MCM3: variants seen among roughly 807,000 people sequenced by gnomAD.
MCM3 encodes minichromosome maintenance complex component 3.
In MCM3, 59 loss-of-function variants were observed where a neutral mutation model predicts 91.3. The ratio of observed to expected loss-of-function variants is 0.65; its 90% confidence interval spans 0.52 to 0.80. The LOEUF is 0.80. MCM3 is among the 30% of genes least tolerant of loss of function. The pLI is 0.00. For synonymous variants in MCM3, 383 were observed against 379.6 expected (o/e 1.01, Z -0.10); for missense variants, 919 against 1,035.4 (o/e 0.89, Z 1.54).
chr6:52,278,060 T>A (rs1218139708), intron 6 of MCM3, among the ~76,000 whole-genome samples: 1 of 108,926 alleles, frequency 9.2e-6, no homozygotes, highest in African/African-American at 3.9e-5. Flanking sequence ...AGAGCAAGAT[T>A]CCGTCTCACC....
At chr6:52,267,528 CTT>C (rs773522164) in intron 14 of MCM3, among the ~76,000 whole-genome samples, 21 of 136,260 alleles carry the variant, frequency 1.5e-4, no homozygotes, top group African/African-American at 1.6e-4. Context: ...GAACTTACTA[CTT>C]TTTTTTTTTT....
chr6:52,279,286 C>T lies in MCM3; in HGVS notation c.770+75G>A. The T allele has an allele frequency of 2.3e-6, 3 of 1,322,486 alleles. No individual in the cohort carries two copies. In the East Asian group the frequency reaches 6.9e-5, roughly 30 times the overall value. 81.9% of individuals were successfully genotyped at this position (1,322,486 alleles called of 1,614,324 possible). ...TCAGATATAACTCTCTGGAATATGG[C>T]AAACTGGAGAAAGGATATTACCAGA... On this transcript the variant is annotated intron_variant, in intron 5 of 16. Transcript: ENST00000596288.
intron 13 of MCM3, 60 bp downstream of exon 13, chr6:52,269,026 G>A (rs1764872035): frequency 2.0e-6 from 3 of 1,535,568 alleles, no homozygotes; most frequent in Non-Finnish European, 8.8e-7. Context: ...AGGCTGGGAA[G>A]CCCATGCATC....
Position 52,273,868 on chromosome 6 carries a change from G to A in MCM3, c.1423C>T (p.Leu475=). The A allele has an allele frequency of 6.2e-7, 1 of 1,614,152 alleles. No homozygotes were observed. ...AAGAGCAAGTCAAATCGTGACAGCA[G>A]TGAGTCCTGTAGCCCAATGTTCTCC... ...PMENIGLQDS[L]LSRFDLLFIM... Residue 475 remains leucine, a synonymous_variant, in exon 10 of 17, where the codon CTG becomes TTG. Transcript: ENST00000596288.
rs1158971556 is a variant in MCM3, at chr6:52,264,495, A to G, written c.*93T>C. 1.5e-6 allele frequency: 2 copies of G among 1,346,264 alleles called. No individual in the cohort carries two copies. Among genetic ancestry groups the G allele is most frequent in the Non-Finnish European group, 2.1e-6 (2 of 947,570 alleles). 83.4% of individuals were successfully genotyped at this position (1,346,264 alleles called of 1,614,324 possible). ...GCCTTCAGTTGAATTCAACACTGTT[A>G]AGGGAGTAGAGGCAAAGACTTGGGT... On this transcript the variant is annotated 3_prime_UTR_variant, in exon 17 of 17. Transcript: ENST00000596288.
chr6:52,268,766 ACTTT>A (rs1764849029), intron 13 of MCM3, among the ~76,000 whole-genome samples: 1 of 151,602 alleles, frequency 6.6e-6, no homozygotes, highest in African/African-American at 2.4e-5. Context: ...GAAAACACCT[ACTTT>A]TTTTTTTAAG....
intron 12 of MCM3, among the ~76,000 whole-genome samples, chr6:52,272,099 C>A (rs906585249): frequency 1.3e-5 from 2 of 152,170 alleles, no homozygotes; most frequent in Admixed American, 1.3e-4. Flanking sequence ...GTCATTTTAA[C>A]TAATAAGAGA....
At position 52,277,138 on chromosome 6, in the gene MCM3, G is replaced by A. The variant is rs1340198087; in HGVS notation, c.1094C>T (p.Ala365Val). 3 of 1,614,072 alleles carry A rather than the reference G, an allele frequency of 1.9e-6. No homozygotes were observed. In the South Asian group the frequency reaches 3.3e-5, roughly 18 times the overall value. The change falls in exon 8 of 17, where the codon GCT (alanine) becomes GTT (valine). Residue 365 changes from alanine to valine, a missense_variant. Coordinates refer to ENST00000596288, the MANE Select transcript of MCM3 (RefSeq NM_002388.6). Reference protein sequence around the residue: ...LRYVLCTAPRAIPTTGRGSSG... With the variant: ...LRYVLCTAPRVIPTTGRGSSG... The stretch of plus-strand genomic sequence containing the variant: ...GGAGCCCCGGCCAGTGGTGGGGATA[G>A]CTCGGGGTGCAGTGCAAAGCACATA...
At chr6:52,276,021 G>T in intron 9 of MCM3, 1 of 469,730 alleles carries the variant, frequency 2.1e-6, no homozygotes. Flanking sequence ...GGTTAAATAT[G>T]TTAAATGGAC....
Position 52,277,530 on chromosome 6 carries a change from C to T in MCM3, c.1033+5G>A, listed in dbSNP as rs752320216. The T allele has an allele frequency of 3.0e-5, 49 of 1,610,970 alleles. No homozygotes were observed. Among genetic ancestry groups the T allele is most frequent in the South Asian group, 1.9e-4 (17 of 90,512 alleles). On this transcript the variant is annotated splice_donor_5th_base_variant and intron_variant, in intron 7 of 16. Transcript: ENST00000596288. ...ACAGTCTAAAGCAAATCCCCAACAT[C>T]GTACCTATTAGAAGAATATTGATGT...
chr6:52,267,741 G>C (rs1438963993), intron 14 of MCM3, 124 bp downstream of exon 14: 1 of 675,164 alleles, frequency 1.5e-6, no homozygotes, highest in East Asian at 2.8e-5. Flanking sequence ...TCCCAGGCTG[G>C]TCTCAAACTC....
chr6:52,274,139 C>T (rs768929430), intron 9 of MCM3, among the ~76,000 whole-genome samples: 2 of 152,188 alleles, frequency 1.3e-5, no homozygotes, highest in Non-Finnish European at 2.9e-5. Context: ...GCCCCACTTT[C>T]TACTACAGGA....
At position 52,282,072 on chromosome 6, in the gene MCM3, A is replaced by C; in HGVS notation, c.504T>G (p.Phe168Leu). 1.2e-6 allele frequency: 2 copies of C among 1,614,144 alleles called. No homozygotes were observed. Among genetic ancestry groups the C allele is most frequent in the Non-Finnish European group, 1.7e-6 (2 of 1,180,002 alleles). ...RYSDLTTLVA[F>L]PSSSVYPTKD... is the part of the protein sequence containing the mutation. ...TGGTAGGATAGACAGAGCTGGAGGG[A>C]AAGGCCACCAGGGTGGTGAGATCAG... is the stretch of plus-strand genomic sequence containing the variant. The change falls in exon 4 of 17, where the codon TTT becomes TTG. Residue 168 changes from phenylalanine to leucine, a missense_variant. Phe to Leu is a conservative substitution (Grantham distance 22). Around this residue, in one of 3 missense-constraint regions of MCM3, gnomAD observed 401 missense variants for 402.7 expected, o/e 1.00. Transcript: ENST00000596288.
intron 3 of MCM3, among the ~76,000 whole-genome samples, chr6:52,282,444 G>C (rs1766187024): frequency 1.3e-5 from 2 of 152,170 alleles, no homozygotes; most frequent in African/African-American, 4.8e-5. Flanking sequence ...GACTCCTCCA[G>C]CTCTCAGCAG....
Position 52,264,581 on chromosome 6 carries a change from G to A in MCM3, c.*7C>T. On this transcript the variant is annotated 3_prime_UTR_variant, in exon 17 of 17. Coordinates refer to ENST00000596288, the MANE Select transcript of MCM3 (RefSeq NM_002388.6). ...CGGCACAACCCAAGTTCAGAGACGAGGCCTCCTCAGATGAGGAAGATGATG... is the reference window on the plus strand; with the variant it reads ...CGGCACAACCCAAGTTCAGAGACGAAGCCTCCTCAGATGAGGAAGATGATG... The A allele has an allele frequency of 6.2e-7, 1 of 1,613,442 alleles. No homozygotes were observed. The highest frequency in any genetic ancestry group is 8.5e-7 in the Non-Finnish European group (1 of 1,179,408).
intron 6 of MCM3, 45 bp from the exon 7 acceptor site, chr6:52,277,733 G>T: frequency 6.3e-7 from 1 of 1,575,336 alleles, no homozygotes; most frequent in Non-Finnish European, 8.7e-7. Flanking sequence ...GATTCAATGG[G>T]ACTTTGTGGA....
intron 12 of MCM3, among the ~76,000 whole-genome samples, chr6:52,271,341 A>G (rs970980538): frequency 1.5e-4 from 23 of 149,728 alleles, no homozygotes; most frequent in African/African-American, 5.2e-4. Flanking sequence ...CACTGCCCCT[A>G]AAAGATTTAG....
intron 13 of MCM3, 69 bp from the exon 14 acceptor site, chr6:52,268,037 C>T: frequency 1.2e-6 from 2 of 1,610,842 alleles, no homozygotes; most frequent in Non-Finnish European, 1.7e-6. Context: ...CAAGAACTCC[C>T]AGTCCCTTCT....
Position 52,283,378 on chromosome 6 carries a change from A to G in MCM3, c.107T>C (p.Val36Ala). The change falls in exon 2 of 17, where the codon GTT becomes GCT. Residue 36 changes from valine to alanine, a missense_variant. By Grantham distance (64) the Val-to-Ala change is moderately conservative (BLOSUM62 0). Transcript: ENST00000596288. The part of the protein sequence containing the change: ...EEDQGIYQSK[V>A]RELISDNQYR... ...TTGGTTGTCACTGATCAGCTCCCGA[A>G]CTTTGCTCTGATAAATTCCCTGGTC... 2 of 1,614,180 alleles carry G rather than the reference A, an allele frequency of 1.2e-6. No individual in the cohort carries two copies. Among genetic ancestry groups the G allele is most frequent in the Non-Finnish European group, 1.7e-6 (2 of 1,180,010 alleles).
Sources: allele counts gnomAD v4.1 joint callset (sites outside exome capture counted in the v4.1 genomes callset), GRCh38; gene constraint gnomAD v4.1.1; regional missense constraint gnomAD v4.1.1; transcripts MANE v1.5; gene names NCBI Gene and HGNC (gene_info 2026-07-23, HGNC 2026-07-21).